Variants in NDUFAF6 observed in about 807,000 individuals in gnomAD.
NDUFAF6 encodes the protein NADH:ubiquinone oxidoreductase complex assembly factor 6.
In NDUFAF6, 45 loss-of-function variants were observed where a neutral mutation model predicts 40.8. The ratio of observed to expected loss-of-function variants is 1.10; its 90% CI spans 0.87 to 1.42. The LOEUF is 1.42. Ranked by LOEUF, NDUFAF6 falls within the 40% of genes most tolerant of loss-of-function variation. NDUFAF6 has a pLI of 0.00. For synonymous variants in NDUFAF6, 185 were observed against 155.9 expected (o/e 1.19, Z -1.39); for missense variants, 435 against 418.5 (o/e 1.04, Z -0.34).
At position 95,058,205 on chromosome 8, in the gene NDUFAF6, G is replaced by A. The variant is rs1342332498; in HGVS notation, c.*268G>A. 23 of 1,418,032 alleles carry A rather than the reference G, an allele frequency of 1.6e-5. No homozygotes were observed. Among genetic ancestry groups the A allele is most frequent in the Admixed American group, 3.1e-5 (1 of 31,876 alleles). 87.8% of individuals were successfully genotyped at this position (1,418,032 alleles called of 1,614,324 possible). On this transcript the variant is annotated 3_prime_UTR_variant, in exon 9 of 9. Coordinates refer to ENST00000396124, the MANE Select transcript of NDUFAF6 (RefSeq NM_152416.4). The stretch of plus-strand genomic sequence containing the variant: ...GCTGGAGCTCCAACAGGGAATATTG[G>A]TGTAGCTGTGCATAGGCCATAAGCC...
At chr8:95,013,012 T>G (rs1827291253) in intron 2 of NDUFAF6, among the ~76,000 whole-genome samples, 1 of 152,212 alleles carries the variant, frequency 6.6e-6, no homozygotes, top group Non-Finnish European at 1.5e-5. Context: ...CCAAATTCCA[T>G]TCTTCCTCAG....
In NDUFAF6 at chr8:94,961,782, A is replaced by G. The variant is rs990447671; in HGVS notation, c.-199+3603A>G. Among the ~76,000 whole-genome samples, 17 of 152,222 alleles carry G rather than the reference A, an allele frequency of 1.1e-4. 1 individual carries two copies. Among genetic ancestry groups the G allele is most frequent in the Admixed American group, 8.5e-4 (13 of 15,286 alleles). ...GAAAACTAAGGTCTCTTGGCTAGCC[A>G]TAACAAAACTTGTACCAAGAAATTG... On this transcript the variant is annotated intron_variant, in intron 1 of 9. Transcript: ENST00000396111.
At chr8:94,970,580 C>T (rs1428039349) in intron 1 of NDUFAF6, among the ~76,000 whole-genome samples, 1 of 150,972 alleles carries the variant, frequency 6.6e-6, no homozygotes, top group African/African-American at 2.4e-5. Flanking sequence ...GACATGTTCC[C>T]ATCTCTAAAA....
chr8:95,051,461 G>T (rs1048808239), intron 7 of NDUFAF6, among the ~76,000 whole-genome samples: 1 of 152,176 alleles, frequency 6.6e-6, no homozygotes, highest in African/African-American at 2.4e-5. Flanking sequence ...GGTCAAACTG[G>T]AGTATAATGG....
chr8:95,031,112 A>G (rs1456476415), intron 1 of NDUFAF6, among the ~76,000 whole-genome samples: 2 of 152,190 alleles, frequency 1.3e-5, no homozygotes, highest in Non-Finnish European at 2.9e-5. Context: ...ACATTTCAAC[A>G]TGAGATTTGG....
At chr8:94,948,551 G>A (rs1276195873) in intron 2 of NDUFAF6, among the ~76,000 whole-genome samples, 1 of 152,162 alleles carries the variant, frequency 6.6e-6, no homozygotes, top group African/African-American at 2.4e-5. Context: ...CGGTGGCCGG[G>A]TCACGGAGCA....
At chr8:94,973,583 C>T (rs1241042195) in intron 1 of NDUFAF6, among the ~76,000 whole-genome samples, 1 of 152,016 alleles carries the variant, frequency 6.6e-6, no homozygotes, top group Non-Finnish European at 1.5e-5. Context: ...TGGCGGGCAC[C>T]TTTAGTCCCA....
downstream of NDUFAF6, among the ~76,000 whole-genome samples, chr8:95,079,876 TATTTTTTGTAGTG>T (rs139092559): frequency 0.57 from 80,111 of 141,530 alleles, 23,267 homozygotes; most frequent in East Asian, 0.77. Flanking sequence ...CTAAATTTTG[TATTTTTTGTAGTG>T]ATTTTTTGTA....
At chr8:95,036,728 C>T (rs2131816998) in intron 3 of NDUFAF6, among the ~76,000 whole-genome samples, 1 of 152,264 alleles carries the variant, frequency 6.6e-6, no homozygotes, top group South Asian at 2.1e-4. Flanking sequence ...TTTATCTTTC[C>T]TTGGCTTCCC....
At chr8:94,940,836 A>C in intron 1 of NDUFAF6, 1 of 1,611,530 alleles carries the variant, frequency 6.2e-7, no homozygotes, top group Non-Finnish European at 8.5e-7. Flanking sequence ...TTACCTATGA[A>C]GTCAACAAGA....
intron 9 of NDUFAF6, chr8:95,075,517 G>T: frequency 1.4e-6 from 1 of 718,594 alleles, no homozygotes. Flanking sequence ...CTCCCTTTTT[G>T]GAGCTGGGAT....
intron 2 of NDUFAF6, among the ~76,000 whole-genome samples, chr8:95,089,975 C>T (rs866688601): frequency 5.3e-5 from 8 of 152,116 alleles, no homozygotes; most frequent in African/African-American, 1.2e-4. Context: ...TGCTGCCCTG[C>T]GGGTCCTCTA....
intron 2 of NDUFAF6, among the ~76,000 whole-genome samples, chr8:94,994,876 G>T (rs1017121432): frequency 2.6e-5 from 4 of 152,072 alleles, no homozygotes; most frequent in Non-Finnish European, 5.9e-5. Context: ...ACACACGATG[G>T]ACCCTTATTC....
chr8:95,094,423 T>G (rs552890773), intron 2 of NDUFAF6, among the ~76,000 whole-genome samples: 1 of 143,722 alleles, frequency 7.0e-6, no homozygotes, highest in South Asian at 2.2e-4. Context: ...TTGGATTTTT[T>G]TTTTTTTGAG....
intron 3 of NDUFAF6, among the ~76,000 whole-genome samples, chr8:95,037,486 A>G (rs926413706): frequency 2.0e-5 from 3 of 152,244 alleles, no homozygotes; most frequent in Non-Finnish European, 4.4e-5. Flanking sequence ...AAACAAGAGC[A>G]TGAGTCTGTA....
intron 1 of NDUFAF6, among the ~76,000 whole-genome samples, chr8:95,029,363 G>A (rs935206467): frequency 3.1e-4 from 6 of 19,068 alleles, no homozygotes; most frequent in Admixed American, 2.3e-3. Context: ...CTCTTTAGCA[G>A]ATTCCCTCAT....
downstream of NDUFAF6, among the ~76,000 whole-genome samples, chr8:95,106,992 T>G (rs542277212): frequency 4.6e-4 from 70 of 152,302 alleles, no homozygotes; most frequent in Non-Finnish European, 7.8e-4. Flanking sequence ...CAACAGATAC[T>G]GGAGAGGATG....
At position 94,912,464 on chromosome 8, in the gene NDUFAF6, G is replaced by A. The variant is rs924723046; in HGVS notation, c.-936+16537G>A. Among the ~76,000 whole-genome samples the A allele has an allele frequency of 5.3e-5, 8 of 152,142 alleles. No homozygotes were observed. In the South Asian group the frequency reaches 6.2e-4, roughly 12 times the overall value. ...TTAATATTTCTGCAGTGAAATGTAC[G>A]AAGAACTAATTAGGACAAACTCTGT... On this transcript the variant is annotated intron_variant, in intron 1 of 14. Transcript: ENST00000396113.
At chr8:94,957,728 G>A (rs759926743), upstream of NDUFAF6, among the ~76,000 whole-genome samples, 8 of 152,144 alleles carry the variant, frequency 5.3e-5, no homozygotes, top group Non-Finnish European at 1.2e-4. Context: ...ACGTGGAAGC[G>A]GCCAACCCAG....
Sources: gnomAD v4.1 joint callset for allele counts (sites outside exome capture counted in the v4.1 genomes callset) on GRCh38, gnomAD v4.1.1 for gene constraint, MANE v1.5 for transcripts, NCBI Gene and HGNC (gene_info 2026-07-23, HGNC 2026-07-21) for gene names.